Variants in COL15A1 observed in about 807,000 individuals in gnomAD.
COL15A1 encodes collagen type XV alpha 1 chain.
A neutral mutation model predicts 165.9 loss-of-function variants in COL15A1; 111 were observed. That is an observed-to-expected ratio of 0.67 (90% CI 0.57 to 0.78). The LOEUF (loss-of-function observed/expected upper bound fraction) is 0.78. Among genes scored for constraint, COL15A1 ranks in the 30% least tolerant of loss-of-function variants. The pLI is 0.00. For synonymous variants in COL15A1, 659 were observed against 674.8 expected, an observed-to-expected ratio of 0.98 and a Z score of 0.36; for missense variants, 1,745 against 1,789.7, an observed-to-expected ratio of 0.98 and a Z score of 0.45.
At chr9:98,978,393 C>G (rs1344192678) in intron 2 of COL15A1, among the ~76,000 whole-genome samples, 3 of 152,210 alleles carry the variant, frequency 2.0e-5, no homozygotes, top group African/African-American at 7.2e-5. Flanking sequence ...ATGTGAAGCT[C>G]TGGTGCTTTT....
chr9:99,069,951 C>G lies in COL15A1; in HGVS notation c.*65C>G, dbSNP rs919458124. 1.6e-6 allele frequency: 2 copies of G among 1,272,322 alleles called. No homozygotes were observed. The highest frequency in any genetic ancestry group is 2.2e-6 in the Non-Finnish European group (2 of 910,894). 78.8% of individuals were successfully genotyped at this position (1,272,322 alleles called of 1,614,324 possible). Reference sequence around the variant, plus strand: ...TTATGTGAAGAGTTGACACTGAAATCTAAAATGTTTAATTGTTGTAAATAT... The same window carrying G: ...TTATGTGAAGAGTTGACACTGAAATGTAAAATGTTTAATTGTTGTAAATAT... On this transcript the variant is annotated 3_prime_UTR_variant, in exon 42 of 42. Coordinates refer to ENST00000375001, the MANE Select transcript of COL15A1 (RefSeq NM_001855.5).
intron 2 of COL15A1, among the ~76,000 whole-genome samples, chr9:98,979,923 C>A (rs113103440): frequency 8.6e-5 from 13 of 151,904 alleles, no homozygotes; most frequent in Middle Eastern, 3.4e-3. Flanking sequence ...TTTGGGAGGC[C>A]GAGGCAGGAG....
chr9:99,059,064 C>T (rs74376095), intron 35 of COL15A1, among the ~76,000 whole-genome samples: 1 of 152,114 alleles, frequency 6.6e-6, no homozygotes, highest in Non-Finnish European at 1.5e-5. Flanking sequence ...AAAGTAAGGG[C>T]TTTTCAGTTG....
intron 16 of COL15A1, among the ~76,000 whole-genome samples, chr9:99,029,775 A>G (rs974445681): frequency 1.3e-5 from 2 of 152,124 alleles, no homozygotes; most frequent in Non-Finnish European, 2.9e-5. Flanking sequence ...AATACAAAAA[A>G]TTAGCTGGGC....
At chr9:98,961,196 A>G (rs574984185) in intron 2 of COL15A1, among the ~76,000 whole-genome samples, 1 of 152,320 alleles carries the variant, frequency 6.6e-6, no homozygotes, top group Admixed American at 6.5e-5. Flanking sequence ...AATACAAGCA[A>G]TGTGTGATAT....
chr9:98,990,868 G>A (rs56358572), intron 5 of COL15A1, among the ~76,000 whole-genome samples: 9,239 of 152,248 alleles, frequency 0.061, 413 homozygotes, highest in Non-Finnish European at 0.089. Flanking sequence ...GGACCCTCGC[G>A]GTGAGTGTTA....
intron 2 of COL15A1, among the ~76,000 whole-genome samples, chr9:98,978,210 A>G (rs1450726529): frequency 6.6e-6 from 1 of 152,184 alleles, no homozygotes; most frequent in African/African-American, 2.4e-5. Flanking sequence ...AGGCATAAGA[A>G]TTCCCAGAAT....
At chr9:99,054,529 G>A in intron 31 of COL15A1, 47 bp from the exon 32 acceptor site, 1 of 1,558,494 alleles carries the variant, frequency 6.4e-7, no homozygotes, top group Non-Finnish European at 8.6e-7. Context: ...TATATAGAAA[G>A]AAGGTGATTT....
Position 99,066,536 on chromosome 9 carries a change from C to A in COL15A1, c.3652-346C>A, listed in dbSNP as rs139320975. On this transcript the variant is annotated intron_variant, in intron 39 of 41. Coordinates refer to ENST00000375001, the MANE Select transcript of COL15A1 (RefSeq NM_001855.5). Reference sequence around the variant, plus strand: ...CCAGAGGTCTCAAACTTATGGCCTGCAGGTGGATTCCGAGATTCAGATCCC... The same window carrying A: ...CCAGAGGTCTCAAACTTATGGCCTGAAGGTGGATTCCGAGATTCAGATCCC... Among the ~76,000 whole-genome samples, 914 of 150,202 alleles carry A rather than the reference C, an allele frequency of 6.1e-3. 7 individuals carry two copies. The highest frequency in any genetic ancestry group is 0.038 in the Middle Eastern group (11 of 286).
intron 2 of COL15A1, among the ~76,000 whole-genome samples, chr9:98,973,201 G>C (rs1055710015): frequency 6.6e-6 from 1 of 152,084 alleles, no homozygotes; most frequent in South Asian, 2.1e-4. Context: ...TTAGGTCAGA[G>C]GCTCGAGAAA....
At chr9:98,991,374 C>T (rs964755509) in intron 5 of COL15A1, among the ~76,000 whole-genome samples, 2 of 152,204 alleles carry the variant, frequency 1.3e-5, no homozygotes, top group Non-Finnish European at 2.9e-5. Flanking sequence ...TGACAGGGTG[C>T]TCATTGGTGC....
At chr9:99,038,790 C>A in intron 22 of COL15A1, 57 bp downstream of exon 22, 1 of 1,028,562 alleles carries the variant, frequency 9.7e-7, no homozygotes, top group Non-Finnish European at 1.5e-6. Context: ...CCTGTTGAAA[C>A]AAAGTCGGGT....
At chr9:99,011,421 A>AC (rs1838846589) in intron 9 of COL15A1, among the ~76,000 whole-genome samples, 1 of 147,660 alleles carries the variant, frequency 6.8e-6, no homozygotes, top group Non-Finnish European at 1.5e-5. Flanking sequence ...AAAAAAAAAA[A>AC]AAAGTCATTT....
intron 40 of COL15A1, 88 bp from the exon 41 acceptor site, chr9:99,068,467 C>CA (rs34451429): frequency 0.077 from 20,903 of 270,370 alleles, 364 homozygotes; most frequent in African/African-American, 0.16. Flanking sequence ...GAAACTGTGT[C>CA]AAAAAAAAAA....
chr9:99,024,762 C>T lies in COL15A1; in HGVS notation c.1855-112C>T, dbSNP rs947781206. 23 of 1,310,844 alleles carry T rather than the reference C, an allele frequency of 1.8e-5. No homozygotes were observed. In the African/African-American group the frequency reaches 3.4e-4, roughly 19 times the overall value. The allele number at this position is 1,310,844 out of a possible 1,614,324, so 81.2% of individuals were successfully genotyped here. A position where few individuals can be genotyped will look rare whatever the true frequency, so the allele number is the denominator to read the frequency against. The stretch of plus-strand genomic sequence containing the variant: ...TTCCGCATCTGCTAAGTGGGATCAC[C>T]AAACCCTACATGTAGGATTGTTGAA... On this transcript the variant is annotated intron_variant, in intron 14 of 41. Coordinates refer to ENST00000375001, the MANE Select transcript of COL15A1 (RefSeq NM_001855.5).
At chr9:98,946,154 G>A (rs1408519353) in intron 2 of COL15A1, among the ~76,000 whole-genome samples, 3 of 152,190 alleles carry the variant, frequency 2.0e-5, no homozygotes, top group African/African-American at 7.2e-5. Flanking sequence ...GTATATCCAG[G>A]TGGAGGTGTG....
In COL15A1 at chr9:99,005,052, T is replaced by C. The variant is rs139529940; in HGVS notation, c.1353+2T>C. The stretch of plus-strand genomic sequence containing the variant: ...AGCCTCGGGGAAGAGGCCACTGTGG[T>C]AAGGATCGTACAGTGCCCAAAGGTT... On this transcript the variant is annotated splice_donor_variant, in intron 9 of 41. Transcript: ENST00000375001. LOFTEE classifies it high-confidence loss of function. 6.3e-7 allele frequency: 1 copy of C among 1,599,818 alleles called. No homozygotes were observed. Among genetic ancestry groups the C allele is most frequent in the Admixed American group, 1.7e-5 (1 of 58,704 alleles).
At chr9:99,059,739 G>GA in intron 35 of COL15A1, 150 bp from the exon 36 acceptor site, 1 of 748,904 alleles carries the variant, frequency 1.3e-6, no homozygotes, top group Non-Finnish European at 2.2e-6. Flanking sequence ...ACACGCTGGG[G>GA]GCACAGCACC....
chr9:99,018,877 G>T (rs888204619), intron 11 of COL15A1, among the ~76,000 whole-genome samples: 2 of 152,182 alleles, frequency 1.3e-5, no homozygotes, highest in Non-Finnish European at 2.9e-5. Context: ...TGGAACTGTG[G>T]AAGGTTGTTA....
Sources: allele counts gnomAD v4.1 joint callset (sites outside exome capture counted in the v4.1 genomes callset), GRCh38; gene constraint gnomAD v4.1.1; transcripts MANE v1.5; gene names NCBI Gene and HGNC (gene_info 2026-07-23, HGNC 2026-07-21).